The following C1orf226 variants were observed in gnomAD, a reference collection of about 807,000 sequenced individuals.
C1orf226 encodes the protein uncharacterized protein C1orf226.
In C1orf226, 4 loss-of-function variants were observed where a neutral mutation model predicts 10.5. The observed-to-expected ratio is 0.38, with a 90% confidence interval of 0.19 to 0.87. The LOEUF (loss-of-function observed/expected upper bound fraction) is 0.87. C1orf226 is among the 40% of genes least tolerant of loss of function. The pLI, the probability that C1orf226 is intolerant of heterozygous loss-of-function variation, is 0.41. For missense variants in C1orf226, 313 were observed against 336.2 expected, an observed-to-expected ratio of 0.93 and a Z score of 0.54; for synonymous variants, 125 against 139.3, an observed-to-expected ratio of 0.90 and a Z score of 0.72.
At chr1:162,380,715 G>A (rs1431523069), upstream of C1orf226, among the ~76,000 whole-genome samples, 1 of 152,194 alleles carries the variant, frequency 6.6e-6, no homozygotes, top group Non-Finnish European at 1.5e-5. Context: ...TTCCAGATAG[G>A]GAGAGGATGG....
At position 162,383,803 on chromosome 1, in the gene C1orf226, AG is replaced by A; in HGVS notation, c.*121del. The A allele has an allele frequency of 5.0e-6, 5 of 995,220 alleles. No homozygotes were observed. The highest frequency in any genetic ancestry group is 2.9e-5 in the Admixed American group (1 of 34,386). 61.6% of individuals were successfully genotyped at this position (995,220 alleles called of 1,614,324 possible). A position where few individuals can be genotyped will look rare whatever the true frequency, so the allele number is the denominator to read the frequency against. ...CTTTGTCTTCCTTGTATGAGGCACC[AG>A]CAGAGAGCCAGTCGTCCATCATGGG... On this transcript the variant is annotated 3_prime_UTR_variant, in exon 2 of 2. Coordinates refer to ENST00000458626, the MANE Select transcript of C1orf226 (RefSeq NM_001085375.2).
rs375773349 is a variant in C1orf226, at chr1:162,381,950, C to T, written c.49C>T (p.Arg17Cys). The T allele has an allele frequency of 3.1e-5, 50 of 1,612,814 alleles. No individual in the cohort carries two copies. In the South Asian group the frequency reaches 3.4e-4, roughly 11 times the overall value. ...CCTCACTCCAAAGCTCCAGGCCAGCCGCTCCTTCCCCCACTTGTCCAAGCC... is the reference window on the plus strand; with the variant it reads ...CCTCACTCCAAAGCTCCAGGCCAGCTGCTCCTTCCCCCACTTGTCCAAGCC... ...TALTPKLQAS[R>C]SFPHLSKPVA... Residue 17 changes from arginine (R) to cysteine (C), a missense_variant, in exon 1 of 2, where the codon CGC (arginine) becomes TGC (cysteine). By Grantham distance (180) the Arg-to-Cys change is radical. Transcript: ENST00000458626.
Position 162,383,190 on chromosome 1 carries a change from T to C in C1orf226, c.326T>C (p.Leu109Pro), listed in dbSNP as rs373997593. 1.1e-4 allele frequency: 171 copies of C among 1,587,380 alleles called. No homozygotes were observed. The highest frequency in any genetic ancestry group is 1.4e-4 in the Non-Finnish European group (167 of 1,166,810). Residue 109 changes from leucine to proline, a missense_variant, in exon 2 of 2, where the codon CTG becomes CCG. Physicochemically the swap from Leu to Pro is moderately conservative, Grantham distance 98. Coordinates refer to ENST00000458626, the MANE Select transcript of C1orf226 (RefSeq NM_001085375.2). ...EAWLEDERSV[L>P]QETFPRLDPP... ...TGTCATTAACCTTACAGGTCAGTCC[T>C]GCAAGAAACATTTCCTCGGCTGGAT...
upstream of C1orf226, chr1:162,381,613 G>T: frequency 2.9e-6 from 3 of 1,029,232 alleles, no homozygotes; most frequent in Middle Eastern, 6.8e-4. Context: ...AAGCCCATGA[G>T]TCAAGGAGGC....
At chr1:162,382,719 G>C (rs1373224074) in intron 1 of C1orf226, among the ~76,000 whole-genome samples, 1 of 152,202 alleles carries the variant, frequency 6.6e-6, no homozygotes, top group Non-Finnish European at 1.5e-5. Context: ...GTTGCTTGTG[G>C]AGAAGCCTGC....
chr1:162,382,581 A>G (rs1380777653), intron 1 of C1orf226, among the ~76,000 whole-genome samples: 1 of 152,238 alleles, frequency 6.6e-6, no homozygotes, highest in Non-Finnish European at 1.5e-5. Flanking sequence ...GTTCAGACAG[A>G]CAAAGTAAAT....
In C1orf226 at chr1:162,381,735, A is replaced by G; in HGVS notation, c.-167A>G. On this transcript the variant is annotated 5_prime_UTR_variant, in exon 1 of 2. Transcript: ENST00000458626. ...TGTCCCATCAAGAAAACTACACTGGAAAGTTCAAGAGTGTCTTTGCTGGCT... is the reference window on the plus strand; with the variant it reads ...TGTCCCATCAAGAAAACTACACTGGGAAGTTCAAGAGTGTCTTTGCTGGCT... The G allele has an allele frequency of 6.9e-7, 1 of 1,442,012 alleles. No homozygotes were observed. Among genetic ancestry groups the G allele is most frequent in the African/African-American group, 1.4e-5 (1 of 69,108 alleles). 89.3% of individuals were successfully genotyped at this position (1,442,012 alleles called of 1,614,324 possible).
rs1318919118 is a variant in C1orf226, at chr1:162,382,354, AG to A, written c.317+138del. 4 of 1,152,162 alleles carry A rather than the reference AG, an allele frequency of 3.5e-6. No homozygotes were observed. The East Asian group carries it at 1.1e-4, about 32-fold the overall frequency. The allele number at this position is 1,152,162 out of a possible 1,614,324, so 71.4% of individuals were successfully genotyped here. Reference sequence around the variant, plus strand: ...AGATTGTCCTGTACTGAAAAGCTGCAGGATCAGGCCACGTTCTCGGGAGCTG... The same window carrying A: ...AGATTGTCCTGTACTGAAAAGCTGCAGATCAGGCCACGTTCTCGGGAGCTG... On this transcript the variant is annotated intron_variant, in intron 1 of 1. Coordinates refer to ENST00000458626, the MANE Select transcript of C1orf226 (RefSeq NM_001085375.2).
upstream of C1orf226, among the ~76,000 whole-genome samples, chr1:162,381,064 A>G (rs1322014608): frequency 6.6e-6 from 1 of 152,244 alleles, no homozygotes; most frequent in Non-Finnish European, 1.5e-5. Context: ...ATAGCAGGGC[A>G]AAGTTGTGGA....
At chr1:162,380,949 C>A (rs1274069273), upstream of C1orf226, among the ~76,000 whole-genome samples, 4 of 152,198 alleles carry the variant, frequency 2.6e-5, no homozygotes. Flanking sequence ...TCTTTACAAC[C>A]TAATGGGTTT....
chr1:162,383,302 C>T lies in C1orf226; in HGVS notation c.438C>T (p.Ser146=), dbSNP rs767748965. 17 of 1,613,350 alleles carry T rather than the reference C, an allele frequency of 1.1e-5. No individual in the cohort carries two copies. In the Admixed American group the frequency reaches 2.5e-4, roughly 24 times the overall value. The change falls in exon 2 of 2, where the codon AGC becomes AGT. Residue 146 remains serine, a synonymous_variant. Coordinates refer to ENST00000458626, the MANE Select transcript of C1orf226 (RefSeq NM_001085375.2). Reference sequence around the variant, plus strand: ...TGATTTCATCACAGCCTGTCCTCAGCAGTCTGGAGTATGGGACAGAGCCAT... The same window carrying T: ...TGATTTCATCACAGCCTGTCCTCAGTAGTCTGGAGTATGGGACAGAGCCAT... ...DMLISSQPVL[S]SLEYGTEPSP... is the part of the protein sequence containing the mutation.
upstream of C1orf226, among the ~76,000 whole-genome samples, chr1:162,380,297 G>A (rs1647864137): frequency 6.6e-6 from 1 of 152,208 alleles, no homozygotes; most frequent in South Asian, 2.1e-4. Context: ...CTCATCCGCA[G>A]AGAGTAGTCT....
chr1:162,383,195 G>A lies in C1orf226; in HGVS notation c.331G>A (p.Glu111Lys). 6.3e-7 allele frequency: 1 copy of A among 1,591,470 alleles called. No homozygotes were observed. Among genetic ancestry groups the A allele is most frequent in the Non-Finnish European group, 8.6e-7 (1 of 1,168,642 alleles). Residue 111 changes from glutamate (E) to lysine (K), a missense_variant, in exon 2 of 2, where the codon GAA becomes AAA. By Grantham distance (56) the Glu-to-Lys change is moderately conservative (BLOSUM62 1). Coordinates refer to ENST00000458626, the MANE Select transcript of C1orf226 (RefSeq NM_001085375.2). ...WLEDERSVLQ[E>K]TFPRLDPPPP... ...TTAACCTTACAGGTCAGTCCTGCAA[G>A]AAACATTTCCTCGGCTGGATCCTCC...
chr1:162,382,945 A>G (rs1407752019), intron 1 of C1orf226, among the ~76,000 whole-genome samples: 3 of 152,228 alleles, frequency 2.0e-5, no homozygotes, highest in African/African-American at 7.2e-5. Context: ...TGTCTTCTAG[A>G]GGCCAGCACT....
chr1:162,381,872 G>T lies in C1orf226; in HGVS notation c.-30G>T. On this transcript the variant is annotated 5_prime_UTR_variant, in exon 1 of 2. Coordinates refer to ENST00000458626, the MANE Select transcript of C1orf226 (RefSeq NM_001085375.2). ...TCCCCTTTCCTCATCATGCCTCTCT[G>T]TCGCCTCTTTGTTCATAGTTGACCA... The T allele has an allele frequency of 2.5e-6, 4 of 1,609,820 alleles. No homozygotes were observed. Among genetic ancestry groups the T allele is most frequent in the African/African-American group, 1.3e-5 (1 of 74,774 alleles).
upstream of C1orf226, among the ~76,000 whole-genome samples, chr1:162,379,346 C>T (rs781267167): frequency 5.9e-5 from 9 of 152,116 alleles, no homozygotes; most frequent in Admixed American, 1.3e-4. Flanking sequence ...GGTCTGACCT[C>T]AAGAGCCCCT....
At position 162,383,248 on chromosome 1, in the gene C1orf226, T is replaced by G; in HGVS notation, c.384T>G (p.Pro128=). 3.1e-6 allele frequency: 5 copies of G among 1,613,498 alleles called. No homozygotes were observed. The highest frequency in any genetic ancestry group is 4.2e-6 in the Non-Finnish European group (5 of 1,179,704). ...PPPPITRKRT[P]RALKTTQDML... ...CTCCCATAACCAGAAAGCGAACCCCTCGGGCCCTGAAGACCACCCAGGACA... is the reference window on the plus strand; with the variant it reads ...CTCCCATAACCAGAAAGCGAACCCCGCGGGCCCTGAAGACCACCCAGGACA... The change falls in exon 2 of 2, where the codon CCT becomes CCG. Residue 128 remains proline, a synonymous_variant. Coordinates refer to ENST00000458626, the MANE Select transcript of C1orf226 (RefSeq NM_001085375.2).
Position 162,381,864 on chromosome 1 carries a change from G to T in C1orf226, c.-38G>T, listed in dbSNP as rs575773063. On this transcript the variant is annotated 5_prime_UTR_variant, in exon 1 of 2. An upstream start codon of the reference 5' UTR is lost. Transcript: ENST00000458626. ...GGTACCGCTCCCCTTTCCTCATCAT[G>T]CCTCTCTGTCGCCTCTTTGTTCATA... 8.7e-6 allele frequency: 14 copies of T among 1,607,430 alleles called. No individual in the cohort carries two copies. The Admixed American group carries it at 1.7e-4, about 20-fold the overall frequency.
At chr1:162,381,545 C>T (rs906265575), upstream of C1orf226, among the ~76,000 whole-genome samples, 4 of 152,222 alleles carry the variant, frequency 2.6e-5, no homozygotes, top group Non-Finnish European at 5.9e-5. Flanking sequence ...TGTTTCATTG[C>T]TTCATCCTCA....
Sources: allele counts gnomAD v4.1 joint callset (sites outside exome capture counted in the v4.1 genomes callset), GRCh38; gene constraint gnomAD v4.1.1; transcripts MANE v1.5; gene names NCBI Gene and HGNC (gene_info 2026-07-23, HGNC 2026-07-21).